Variants in ICA1L observed in about 807,000 individuals in gnomAD.
The protein encoded by ICA1L is islet cell autoantigen 1-like protein.
In ICA1L, 50 loss-of-function variants were observed where a neutral mutation model predicts 61.3. The observed-to-expected ratio is 0.82, with a 90% CI of 0.65 to 1.03. The LOEUF (loss-of-function observed/expected upper bound fraction) is 1.03. Ranked by LOEUF, ICA1L falls within the 50% of genes least tolerant of loss-of-function variation. The probability of loss-of-function intolerance (pLI) is 0.00; values close to 1 mark genes in which losing one functional copy is unlikely to be tolerated. For synonymous variants in ICA1L, 161 were observed against 191.3 expected (o/e 0.84, Z 1.31); for missense variants, 508 against 556.7 (o/e 0.91, Z 0.88).
At chr2:202,841,894 T>C (rs1289779462) in intron 1 of ICA1L, 2 of 253,578 alleles carry the variant, frequency 7.9e-6, no homozygotes, top group East Asian at 2.1e-4. Context: ...GTTTTGTTCT[T>C]GTTGCCCAGA....
intron 9 of ICA1L, among the ~76,000 whole-genome samples, chr2:202,807,850 T>G (rs573720427): frequency 1.3e-5 from 2 of 152,032 alleles, no homozygotes; most frequent in Non-Finnish European, 2.9e-5. Context: ...CCAGATCACA[T>G]TTTTAGACAT....
intron 1 of ICA1L, among the ~76,000 whole-genome samples, chr2:202,856,993 A>T (rs890433951): frequency 6.6e-6 from 1 of 152,226 alleles, no homozygotes; most frequent in African/African-American, 2.4e-5. Flanking sequence ...GATACAAACA[A>T]ATGCAAAGAC....
At chr2:202,816,183 A>C (rs1693528656) in intron 6 of ICA1L, among the ~76,000 whole-genome samples, 174 bp from the exon 7 acceptor site, 1 of 152,236 alleles carries the variant, frequency 6.6e-6, no homozygotes, top group Non-Finnish European at 1.5e-5. Flanking sequence ...GTACTTGTGC[A>C]AAAGAATCGG....
At chr2:202,865,501 A>C (rs1305297186) in intron 1 of ICA1L, among the ~76,000 whole-genome samples, 1 of 151,928 alleles carries the variant, frequency 6.6e-6, no homozygotes, top group Non-Finnish European at 1.5e-5. Flanking sequence ...CAACAAAAAA[A>C]CCCACAGAGC....
chr2:202,803,074 T>A (rs1574338475), intron 9 of ICA1L, among the ~76,000 whole-genome samples: 2 of 151,720 alleles, frequency 1.3e-5, no homozygotes, highest in East Asian at 3.9e-4. Context: ...AAAAAAAAAA[T>A]CCAACTAAAC....
chr2:202,814,014 C>T (rs917195228), intron 8 of ICA1L, among the ~76,000 whole-genome samples: 4 of 152,148 alleles, frequency 2.6e-5, no homozygotes, highest in African/African-American at 9.7e-5. Context: ...TCACCCCAAT[C>T]AGTTTGATAC....
chr2:202,789,951 G>A (rs1692697797), intron 10 of ICA1L, among the ~76,000 whole-genome samples: 1 of 152,128 alleles, frequency 6.6e-6, no homozygotes, highest in Non-Finnish European at 1.5e-5. Context: ...TCCCCAAGCA[G>A]GCCAGTCCTA....
intron 12 of ICA1L, 55 bp downstream of exon 12, chr2:202,785,863 T>C (rs1049977062): frequency 1.7e-5 from 17 of 978,120 alleles, no homozygotes; most frequent in Non-Finnish European, 2.5e-5. Context: ...TAAATTTATC[T>C]GAATTCAACT....
chr2:202,833,852 T>A (rs183797212), intron 1 of ICA1L, among the ~76,000 whole-genome samples: 69 of 152,210 alleles, frequency 4.5e-4, no homozygotes, highest in Non-Finnish European at 9.3e-4. Flanking sequence ...CTCAATTACA[T>A]GTAAAATCTA....
chr2:202,861,401 C>CAA (rs61240847), intron 1 of ICA1L, among the ~76,000 whole-genome samples: 7,706 of 21,706 alleles, frequency 0.36, 3,376 homozygotes, highest in South Asian at 0.5. Flanking sequence ...GAGACTATCT[C>CAA]AAAAAAAAAA....
intron 1 of ICA1L, among the ~76,000 whole-genome samples, chr2:202,832,992 A>C (rs1265228427): frequency 6.6e-6 from 1 of 152,170 alleles, no homozygotes; most frequent in African/African-American, 2.4e-5. Flanking sequence ...TAATTTACAG[A>C]TCCAATAAGC....
intron 1 of ICA1L, among the ~76,000 whole-genome samples, chr2:202,868,074 T>A (rs955262186): frequency 2.2e-4 from 34 of 152,156 alleles, no homozygotes; most frequent in African/African-American, 8.2e-4. Flanking sequence ...GTTTTCAAAC[T>A]AGAGAGAACT....
rs866485736 is a variant in ICA1L at position 202,779,100 on chromosome 2, C to T, written c.*433G>A. 1 of 153,536 alleles carries T rather than the reference C, an allele frequency of 6.5e-6. No individual in the cohort carries two copies. Among genetic ancestry groups the T allele is most frequent in the African/African-American group, 2.4e-5 (1 of 41,464 alleles). 9.5% of individuals were successfully genotyped at this position (153,536 alleles called of 1,614,324 possible). ...GCTACTATTTCATTTAAAAACTGAC[C>T]CCAAACCACAACCCAATTTACATGC... On this transcript the variant is annotated 3_prime_UTR_variant, in exon 13 of 13. Transcript: ENST00000358299.
intron 1 of ICA1L, among the ~76,000 whole-genome samples, chr2:202,845,364 T>A (rs951389084): frequency 1.3e-5 from 2 of 152,174 alleles, no homozygotes; most frequent in Non-Finnish European, 2.9e-5. Context: ...TGGTGGCTCA[T>A]ACCTGTAATC....
At chr2:202,785,591 TTTG>T (rs1692555128) in intron 12 of ICA1L, among the ~76,000 whole-genome samples, 1 of 152,056 alleles carries the variant, frequency 6.6e-6, no homozygotes, top group African/African-American at 2.4e-5. Context: ...GGCTAATTTT[TTTG>T]TTGTTGTATT....
intron 9 of ICA1L, among the ~76,000 whole-genome samples, 166 bp from the exon 10 acceptor site, chr2:202,797,130 A>G (rs1016432293): frequency 3.0e-5 from 1 of 33,228 alleles, no homozygotes; most frequent in Non-Finnish European, 5.9e-5. Context: ...TAAAAATCAC[A>G]TTTGTGTGTG....
chr2:202,858,594 A>AC (rs1470219016), intron 1 of ICA1L, among the ~76,000 whole-genome samples: 1 of 152,226 alleles, frequency 6.6e-6, no homozygotes, highest in East Asian at 1.9e-4. Context: ...CTATGTAACA[A>AC]ACCTGTATGT....
chr2:202,816,093 G>C lies in ICA1L; in HGVS notation c.685-84C>G, dbSNP rs550798776. 6 of 800,346 alleles carry C rather than the reference G, an allele frequency of 7.5e-6. No homozygotes were observed. The South Asian group carries it at 1.3e-4, about 17-fold the overall frequency. The allele number at this position is 800,346 out of a possible 1,614,324, so 49.6% of individuals were successfully genotyped here. On this transcript the variant is annotated intron_variant, in intron 6 of 12. Transcript: ENST00000358299. ...GCTATATTTCCTTACTAGTTTAGTA[G>C]ATGAACAGTTGCCAAAAAATAAGAA...
Position 202,849,895 on chromosome 2 carries a change from G to C in ICA1L, c.-7-20879C>G, listed in dbSNP as rs1694569113. On this transcript the variant is annotated intron_variant, in intron 1 of 12. Coordinates refer to ENST00000358299, the MANE Select transcript of ICA1L (RefSeq NM_001288622.3). This position sits in a 1 kb window ranked among gnomAD's most constrained non-coding sequence, Gnocchi z 4.5. ...GGGTCAACAGACACCTCATACAGGA[G>C]AGTTCCAGCTGGCATCAGGCTGGTG... 6.6e-6 allele frequency among the ~76,000 whole-genome samples: 1 copy of C among 152,152 alleles called. No individual in the cohort carries two copies. Among genetic ancestry groups the C allele is most frequent in the South Asian group, 2.1e-4 (1 of 4,828 alleles).
Sources: allele counts gnomAD v4.1 joint callset (sites outside exome capture counted in the v4.1 genomes callset), GRCh38; gene constraint gnomAD v4.1.1; non-coding constraint Gnocchi (gnomAD v3.1); transcripts MANE v1.5; gene names NCBI Gene and HGNC (gene_info 2026-07-23, HGNC 2026-07-21).